The following XPO1 variants were observed in gnomAD, a reference collection of about 807,000 sequenced individuals.
XPO1 encodes exportin-1.
XPO1 carries 5 observed loss-of-function variants against 133.3 expected under a neutral mutation model. The observed-to-expected ratio is 0.04, with a 90% CI of 0.02 to 0.08. The LOEUF is 0.08. Ranked by LOEUF, XPO1 falls within the 10% of genes least tolerant of loss-of-function variation. The pLI, the probability that XPO1 is intolerant of heterozygous loss-of-function variation, is 1.00. For synonymous variants in XPO1, 419 were observed against 408.2 expected (o/e 1.03, Z -0.32); for missense variants, 506 against 1,267.5 (o/e 0.40, Z 9.12).
chr2:61,496,850 A>T, intron 10 of XPO1, 29 bp downstream of exon 10: 7 of 1,494,464 alleles, frequency 4.7e-6, no homozygotes, highest in Non-Finnish European at 6.2e-6. Flanking sequence ...AAAATTATTC[A>T]GCCAATTTTC....
At chr2:61,532,760 G>T (rs1366252570) in intron 2 of XPO1, among the ~76,000 whole-genome samples, 2 of 151,738 alleles carry the variant, frequency 1.3e-5, no homozygotes, top group East Asian at 3.9e-4. Context: ...TTGAAAACCT[G>T]GGAGGCAGAG....
At chr2:61,481,316 TA>T in intron 23 of XPO1, 35 bp from the exon 24 acceptor site, 1 of 1,538,022 alleles carries the variant, frequency 6.5e-7, no homozygotes, top group South Asian at 1.2e-5. Flanking sequence ...AATAATGATT[TA>T]TTTTTCCCCC....
intron 4 of XPO1, among the ~76,000 whole-genome samples, chr2:61,514,045 G>A (rs1054670688): frequency 3.3e-5 from 5 of 151,940 alleles, no homozygotes; most frequent in Non-Finnish European, 7.4e-5. Flanking sequence ...AAAGTAGCAG[G>A]GCGTGGTGGT....
chr2:61,528,794 CAAT>C (rs1699031554), intron 2 of XPO1, among the ~76,000 whole-genome samples: 1 of 123,932 alleles, frequency 8.1e-6, no homozygotes, highest in African/African-American at 3.0e-5. Flanking sequence ...TTTTTCATTT[CAAT>C]AAGTTTTTCA....
chr2:61,490,846 T>A (rs1405678252), intron 16 of XPO1, 70 bp from the exon 17 acceptor site: 1 of 1,559,474 alleles, frequency 6.4e-7, no homozygotes, highest in Non-Finnish European at 8.7e-7. Flanking sequence ...ACACAAGCAA[T>A]TCACAAACGT....
chr2:61,536,913 A>C (rs993925624), intron 1 of XPO1: 8 of 152,392 alleles, frequency 5.2e-5, no homozygotes, highest in Admixed American at 1.3e-4. Flanking sequence ...CCACTGTACA[A>C]GGCCAACAGT....
intron 17 of XPO1, among the ~76,000 whole-genome samples, chr2:61,489,413 CA>C (rs35045881): frequency 3.9e-4 from 55 of 140,506 alleles, no homozygotes; most frequent in Admixed American, 6.4e-4. Context: ...AACTCCATCT[CA>C]AAAAAAAAAA....
intron 2 of XPO1, among the ~76,000 whole-genome samples, chr2:61,531,950 A>G (rs1043668669): frequency 6.6e-6 from 1 of 152,208 alleles, no homozygotes; most frequent in African/African-American, 2.4e-5. Flanking sequence ...TAGCGTTTCC[A>G]TGGACCTTTT....
intron 24 of XPO1, chr2:61,480,519 GACCCACCC>G (rs1696294208): frequency 6.6e-6 from 1 of 151,476 alleles, no homozygotes; most frequent in African/African-American, 2.4e-5. Flanking sequence ...GACATCAGGT[GACCCACCC>G]ACCTTGGCCT....
chr2:61,478,075 A>AT lies in XPO1; in HGVS notation c.*744dup, dbSNP rs1696147632. ...ATGAGTTGTTAAAAAGATGCAGCCT[A>AT]TTCTAACAGGATAAATATTTTTAAC... On this transcript the variant is annotated 3_prime_UTR_variant, in exon 25 of 25. Transcript: ENST00000401558. The AT allele has an allele frequency of 8.6e-6, 2 of 231,866 alleles. No individual in the cohort carries two copies. Among genetic ancestry groups the AT allele is most frequent in the Non-Finnish European group, 1.7e-5 (2 of 116,942 alleles). 14.4% of individuals were successfully genotyped at this position (231,866 alleles called of 1,614,324 possible).
intron 4 of XPO1, 77 bp downstream of exon 4, chr2:61,522,534 G>A (rs1437990648): frequency 4.1e-6 from 5 of 1,218,570 alleles, no homozygotes; most frequent in Non-Finnish European, 1.2e-6. Flanking sequence ...TTCATTACAT[G>A]CCCCCTCAAA....
Position 61,482,451 on chromosome 2 carries a change from T to C in XPO1, c.2901A>G (p.Pro967=), listed in dbSNP as rs1696436188. The C allele has an allele frequency of 6.2e-7, 1 of 1,613,748 alleles. No individual in the cohort carries two copies. Among genetic ancestry groups the C allele is most frequent in the African/African-American group, 1.3e-5 (1 of 75,036 alleles). ...CCTGAAGAAAGATTTGGTTGTTAACTGGATTTCCAGGATTTAATGATGTAC... is the reference window on the plus strand; with the variant it reads ...CCTGAAGAAAGATTTGGTTGTTAACCGGATTTCCAGGATTTAATGATGTAC... ...KISTSLNPGN[P]VNNQIFLQEY... is the part of the protein sequence containing the mutation. Residue 967 remains proline (P), a synonymous_variant, in exon 23 of 25, where the codon CCA becomes CCG. Transcript: ENST00000401558.
chr2:61,523,784 A>T (rs1698795983), intron 3 of XPO1, among the ~76,000 whole-genome samples: 1 of 152,222 alleles, frequency 6.6e-6, no homozygotes, highest in Non-Finnish European at 1.5e-5. Flanking sequence ...GTCCCAAACT[A>T]CATTGTGCTC....
chr2:61,500,409 T>C (rs1697446484), intron 6 of XPO1, among the ~76,000 whole-genome samples: 1 of 151,694 alleles, frequency 6.6e-6, no homozygotes, highest in Non-Finnish European at 1.5e-5. Flanking sequence ...TGAAACCCTG[T>C]CTCTACTAAA....
chr2:61,513,930 A>G (rs927830395), intron 4 of XPO1, among the ~76,000 whole-genome samples: 6 of 152,140 alleles, frequency 3.9e-5, no homozygotes, highest in Non-Finnish European at 7.4e-5. Flanking sequence ...CACGCCTGTA[A>G]TCCTAGCGCT....
chr2:61,507,944 C>T (rs1697908769), intron 4 of XPO1, among the ~76,000 whole-genome samples: 1 of 152,106 alleles, frequency 6.6e-6, no homozygotes, highest in Non-Finnish European at 1.5e-5. Context: ...AGTTGTGTGT[C>T]TTTGATAAGT....
intron 17 of XPO1, among the ~76,000 whole-genome samples, chr2:61,489,690 G>C (rs1696874452): frequency 6.6e-6 from 1 of 151,210 alleles, no homozygotes; most frequent in African/African-American, 2.4e-5. Flanking sequence ...GAGTAGCTGG[G>C]ACTTACAGGC....
At chr2:61,494,764 G>C (rs1268739882) in intron 11 of XPO1, 1 of 147,486 alleles carries the variant, frequency 6.8e-6, no homozygotes, top group Non-Finnish European at 1.5e-5. Context: ...TGAATTGTGT[G>C]TGTGTGTGTA....
chr2:61,528,127 G>GT (rs1430040385), intron 2 of XPO1, among the ~76,000 whole-genome samples: 3 of 151,802 alleles, frequency 2.0e-5, no homozygotes, highest in Non-Finnish European at 4.4e-5. Context: ...GGGTTTCACT[G>GT]TATTGGCCAG....
Sources: allele counts gnomAD v4.1 joint callset (sites outside exome capture counted in the v4.1 genomes callset), GRCh38; gene constraint gnomAD v4.1.1; transcripts MANE v1.5; gene names NCBI Gene and HGNC (gene_info 2026-07-23, HGNC 2026-07-21).